The following SAMM50 variants were observed in gnomAD, a reference collection of about 807,000 sequenced individuals.
SAMM50 encodes the protein SAMM50 sorting and assembly machinery component, also known as sorting and assembly machinery component 50 homolog.
A neutral mutation model predicts 66.9 loss-of-function variants in SAMM50; 47 were observed. That is an observed-to-expected ratio of 0.70 (90% CI 0.56 to 0.90). The LOEUF (loss-of-function observed/expected upper bound fraction) is 0.90. SAMM50 is among the 40% of genes least tolerant of loss of function. The probability of loss-of-function intolerance (pLI) is 0.00; values close to 1 mark genes in which losing one functional copy is unlikely to be tolerated. For synonymous variants in SAMM50, 191 were observed against 214.1 expected (o/e 0.89, Z 0.94); for missense variants, 535 against 595.3 (o/e 0.90, Z 1.05).
At chr22:43,969,128 C>A (rs999050545) in intron 4 of SAMM50, among the ~76,000 whole-genome samples, 1 of 152,010 alleles carries the variant, frequency 6.6e-6, no homozygotes, top group Non-Finnish European at 1.5e-5. Context: ...TGTATGAGGC[C>A]GGGGAGGAGT....
chr22:43,971,495 T>A (rs2050203499), intron 4 of SAMM50, among the ~76,000 whole-genome samples: 1 of 152,162 alleles, frequency 6.6e-6, no homozygotes, highest in Non-Finnish European at 1.5e-5. Context: ...CAGTAAACAA[T>A]CTCACACTTA....
At chr22:43,965,090 ACTT>A (rs1245910157) in intron 3 of SAMM50, among the ~76,000 whole-genome samples, 2 of 151,156 alleles carry the variant, frequency 1.3e-5, no homozygotes, top group Non-Finnish European at 2.9e-5. Context: ...GTCACCAGCA[ACTT>A]CTTTGTGGCC....
At chr22:43,955,715 G>A (rs897468555) in intron 1 of SAMM50, 117 bp downstream of exon 1, 1 of 1,188,900 alleles carries the variant, frequency 8.4e-7, no homozygotes. Context: ...AGGGTGCCAA[G>A]GGTGCCGGGC....
intron 7 of SAMM50, among the ~76,000 whole-genome samples, chr22:43,974,258 TG>T (rs2050219731): frequency 6.6e-6 from 1 of 152,026 alleles, no homozygotes; most frequent in Non-Finnish European, 1.5e-5. Flanking sequence ...GCTTTAAGTG[TG>T]CTCTCCCTCC....
intron 7 of SAMM50, chr22:43,975,230 G>A (rs1169191734): frequency 1.3e-5 from 2 of 152,580 alleles, no homozygotes; most frequent in African/African-American, 4.8e-5. Flanking sequence ...GGGTGCTGAG[G>A]TGGGTGCCTC....
At chr22:43,991,772 A>G (rs2050326070) in intron 14 of SAMM50, among the ~76,000 whole-genome samples, 1 of 152,254 alleles carries the variant, frequency 6.6e-6, no homozygotes, top group Non-Finnish European at 1.5e-5. Context: ...CTTGGCTCGC[A>G]GATGGCAGCC....
At chr22:43,968,873 G>C in intron 4 of SAMM50, 55 bp downstream of exon 4, 1 of 1,341,940 alleles carries the variant, frequency 7.5e-7, no homozygotes, top group Non-Finnish European at 1.1e-6. Flanking sequence ...TCAGAGAAAA[G>C]CTGTTTTTAT....
chr22:43,957,243 G>A, intron 1 of SAMM50: 1 of 662,138 alleles, frequency 1.5e-6, no homozygotes, highest in Non-Finnish European at 2.8e-6. Flanking sequence ...AGGTAACTCG[G>A]GCCCACAGAA....
chr22:43,980,134 A>ATC (rs2050256269), intron 10 of SAMM50, among the ~76,000 whole-genome samples: 3 of 86,004 alleles, frequency 3.5e-5, no homozygotes, highest in African/African-American at 1.0e-4. Context: ...CTACCCACCC[A>ATC]CACATCCATC....
Position 43,977,931 on chromosome 22 carries a change from G to A in SAMM50, c.909G>A (p.Gln303=). 6.2e-7 allele frequency: 1 copy of A among 1,613,252 alleles called. No individual in the cohort carries two copies. The highest frequency in any genetic ancestry group is 8.5e-7 in the Non-Finnish European group (1 of 1,179,546). Residue 303 remains glutamine, a synonymous_variant, in exon 10 of 15, where the codon CAG becomes CAA. Coordinates refer to ENST00000350028, the MANE Select transcript of SAMM50 (RefSeq NM_015380.5). ...VSFIKEDFEL[Q]LNKQLIFDSV... is the part of the protein sequence containing the mutation. ...TCATCAAAGAAGATTTTGAACTTCA[G>A]TTGAACAAGCAACTCATATTTGATT...
chr22:43,957,517 G>T (rs914859993), intron 1 of SAMM50, among the ~76,000 whole-genome samples: 1 of 152,150 alleles, frequency 6.6e-6, no homozygotes, highest in African/African-American at 2.4e-5. Context: ...CCGCCTCCCA[G>T]GTTCAAGCGA....
intron 9 of SAMM50, among the ~76,000 whole-genome samples, chr22:43,977,555 T>C (rs2050239174): frequency 6.6e-6 from 1 of 152,194 alleles, no homozygotes; most frequent in African/African-American, 2.4e-5. Flanking sequence ...CAGCTGAGTT[T>C]TTCCCCAAAT....
intron 8 of SAMM50, 38 bp from the exon 9 acceptor site, chr22:43,976,712 T>A (rs2050234385): frequency 1.3e-6 from 2 of 1,508,670 alleles, no homozygotes; most frequent in Non-Finnish European, 1.8e-6. Context: ...TAATAGAACT[T>A]CTTAAAGTGA....
chr22:43,990,382 C>G lies in SAMM50; in HGVS notation c.1340C>G (p.Pro447Arg). Reference sequence around the variant, plus strand: ...CGGTTGGAACTTAATTACTGCGTCCCCATGGGAGTACAGACAGGCGACAGG... The same window carrying G: ...CGGTTGGAACTTAATTACTGCGTCCGCATGGGAGTACAGACAGGCGACAGG... ...IARLELNYCV[P>R]MGVQTGDRIC... The change falls in exon 14 of 15, where the codon CCC becomes CGC. Residue 447 changes from proline (P) to arginine (R), a missense_variant. Pro to Arg is a moderately radical substitution (Grantham distance 103, BLOSUM62 -2). Coordinates refer to ENST00000350028, the MANE Select transcript of SAMM50 (RefSeq NM_015380.5). 1 of 1,614,154 alleles carries G rather than the reference C, an allele frequency of 6.2e-7. No individual in the cohort carries two copies. The highest frequency in any genetic ancestry group is 8.5e-7 in the Non-Finnish European group (1 of 1,180,024).
chr22:43,994,753 CT>C (rs1216854000), intron 14 of SAMM50, among the ~76,000 whole-genome samples: 2 of 152,166 alleles, frequency 1.3e-5, no homozygotes, highest in Non-Finnish European at 2.9e-5. Flanking sequence ...TGGCTTGCCC[CT>C]GGTCTGGTGG....
At chr22:43,989,457 C>CT (rs2146827505) in intron 13 of SAMM50, among the ~76,000 whole-genome samples, 200 bp downstream of exon 13, 1 of 152,076 alleles carries the variant, frequency 6.6e-6, no homozygotes, top group East Asian at 1.9e-4. Flanking sequence ...TTGCCTCAGC[C>CT]TCCCGAGTAG....
intron 10 of SAMM50, 84 bp downstream of exon 10, chr22:43,978,042 T>A: frequency 4.4e-6 from 4 of 905,190 alleles, no homozygotes; most frequent in Non-Finnish European, 5.3e-6. Context: ...CCTGAATATC[T>A]AAAGCACAGA....
intron 4 of SAMM50, among the ~76,000 whole-genome samples, chr22:43,969,608 G>A (rs1376621882): frequency 6.6e-6 from 1 of 152,220 alleles, no homozygotes; most frequent in African/African-American, 2.4e-5. Context: ...CATGAGAAGG[G>A]GATCAGAGAG....
In SAMM50 at chr22:43,977,940, G is replaced by A. The variant is rs118006199; in HGVS notation, c.918G>A (p.Lys306=). 2,103 of 1,612,392 alleles carry A rather than the reference G, an allele frequency of 1.3e-3. 26 individuals are homozygous for A. The South Asian group carries it at 0.014, about 11-fold the overall frequency. The change falls in exon 10 of 15, where the codon AAG becomes AAA. Residue 306 remains lysine, a synonymous_variant. Coordinates refer to ENST00000350028, the MANE Select transcript of SAMM50 (RefSeq NM_015380.5). ...AAGATTTTGAACTTCAGTTGAACAA[G>A]CAACTCATATTTGATTCAGTGAGTA... ...IKEDFELQLN[K]QLIFDSVFSA...
Sources: gnomAD v4.1 joint callset for allele counts (sites outside exome capture counted in the v4.1 genomes callset) on GRCh38, gnomAD v4.1.1 for gene constraint, MANE v1.5 for transcripts, NCBI Gene and HGNC (gene_info 2026-07-23, HGNC 2026-07-21) for gene names.